Variants in AK5 observed in about 807,000 individuals in gnomAD.
AK5 encodes adenylate kinase isoenzyme 5.
In AK5, 27 loss-of-function variants were observed where a neutral mutation model predicts 69.5. The ratio of observed to expected loss-of-function variants is 0.39; its 90% CI spans 0.29 to 0.54. AK5 has a LOEUF of 0.54. Among genes scored for constraint, AK5 ranks in the 20% least tolerant of loss-of-function variants. The pLI is 0.71. For missense variants in AK5, 531 were observed against 700.4 expected (o/e 0.76, Z 2.73); for synonymous variants, 260 against 244.4 (o/e 1.06, Z -0.60).
At chr1:77,319,794 A>G (rs1660427820) in intron 5 of AK5, among the ~76,000 whole-genome samples, 1 of 152,242 alleles carries the variant, frequency 6.6e-6, no homozygotes, top group Non-Finnish European at 1.5e-5. Context: ...AGTCCAAGAT[A>G]CTATTCTCAG....
At chr1:77,435,157 C>G (rs1651879933) in intron 8 of AK5, among the ~76,000 whole-genome samples, 1 of 152,128 alleles carries the variant, frequency 6.6e-6, no homozygotes, top group Admixed American at 6.5e-5. Flanking sequence ...AAAGATGTAT[C>G]CTCTCAAGGA....
intron 8 of AK5, among the ~76,000 whole-genome samples, chr1:77,425,309 G>A (rs992054457): frequency 6.6e-6 from 1 of 152,188 alleles, no homozygotes; most frequent in African/African-American, 2.4e-5. Flanking sequence ...CATAGAGCCA[G>A]GCATGGTGGC....
At chr1:77,499,798 C>T (rs1482447986) in intron 10 of AK5, among the ~76,000 whole-genome samples, 1 of 149,846 alleles carries the variant, frequency 6.7e-6, no homozygotes, top group Admixed American at 6.7e-5. Flanking sequence ...GCTAGAAGGC[C>T]AGTGATAGCC....
chr1:77,347,702 C>T (rs1378888422), intron 6 of AK5, among the ~76,000 whole-genome samples: 2 of 152,102 alleles, frequency 1.3e-5, no homozygotes, highest in Admixed American at 6.6e-5. Flanking sequence ...AATGGCAACC[C>T]GCATATAGCA....
At chr1:77,428,573 A>C (rs1651369158) in intron 8 of AK5, among the ~76,000 whole-genome samples, 1 of 150,566 alleles carries the variant, frequency 6.6e-6, no homozygotes, top group Non-Finnish European at 1.5e-5. Flanking sequence ...GCTTGTCTTC[A>C]GGTTTATGCT....
At chr1:77,338,001 G>A (rs551940483) in intron 5 of AK5, among the ~76,000 whole-genome samples, 160 of 135,476 alleles carry the variant, frequency 1.2e-3, no homozygotes, top group Non-Finnish European at 2.1e-3. Context: ...TCTTGCTCTT[G>A]TCACCCAGGC....
At chr1:77,372,772 C>CATGTGT (rs113360454) in intron 6 of AK5, among the ~76,000 whole-genome samples, 2 of 149,518 alleles carry the variant, frequency 1.3e-5, no homozygotes, top group Non-Finnish European at 3.0e-5. Flanking sequence ...TGTGTGTGTG[C>CATGTGT]GTGTGTGTGT....
intron 1 of AK5, 58 bp from the exon 2 acceptor site, chr1:77,286,882 GA>G: frequency 9.0e-7 from 1 of 1,107,832 alleles, no homozygotes; most frequent in Non-Finnish European, 1.2e-6. Flanking sequence ...TTAAATTAAA[GA>G]AAAAACAAAG....
intron 7 of AK5, among the ~76,000 whole-genome samples, chr1:77,412,221 G>T (rs1650091205): frequency 6.6e-6 from 1 of 152,088 alleles, no homozygotes. Flanking sequence ...TCTCCACTAG[G>T]GAGCCTTGTG....
At chr1:77,520,374 C>T (rs1479632510) in intron 11 of AK5, among the ~76,000 whole-genome samples, 2 of 152,160 alleles carry the variant, frequency 1.3e-5, no homozygotes, top group Non-Finnish European at 2.9e-5. Context: ...TTATTCCCTT[C>T]CTCAAAACCT....
In AK5 at chr1:77,558,599, T is replaced by C. The variant is rs6675743; in HGVS notation, c.1621-3T>C. 0.77 allele frequency: 1,196,165 copies of C among 1,554,816 alleles called. 464,079 individuals are homozygous for C. The highest frequency in any genetic ancestry group is 0.83 in the Admixed American group (49,104 of 59,452). ...AACTCTCTTTTTTTCCTTTTAAATA[T>C]AGATAAATGCAGAGGGAACACCAGA... On this transcript the variant is annotated splice_polypyrimidine_tract_variant and splice_region_variant and intron_variant, in intron 13 of 13. Transcript: ENST00000354567.
intron 10 of AK5, among the ~76,000 whole-genome samples, chr1:77,511,203 G>C (rs961937188): frequency 8.5e-5 from 13 of 152,232 alleles, no homozygotes; most frequent in African/African-American, 2.2e-4. Context: ...TCATTTTACA[G>C]ATAATAATTC....
chr1:77,550,722 C>A (rs1037937956), intron 13 of AK5, among the ~76,000 whole-genome samples: 14 of 152,218 alleles, frequency 9.2e-5, no homozygotes, highest in Admixed American at 8.5e-4. Context: ...GCCACTTATT[C>A]TCTTAAAATA....
At chr1:77,408,041 A>T (rs1649777089) in intron 6 of AK5, among the ~76,000 whole-genome samples, 1 of 151,958 alleles carries the variant, frequency 6.6e-6, no homozygotes, top group African/African-American at 2.4e-5. Context: ...ATTGTTGGGG[A>T]CCCAGGTTAA....
chr1:77,509,471 C>T (rs1418467317), intron 10 of AK5, among the ~76,000 whole-genome samples: 1 of 152,136 alleles, frequency 6.6e-6, no homozygotes, highest in African/African-American at 2.4e-5. Context: ...TCAACTGACC[C>T]ATGGGCCCAG....
At chr1:77,394,839 C>T (rs1329108006) in intron 6 of AK5, among the ~76,000 whole-genome samples, 2 of 152,094 alleles carry the variant, frequency 1.3e-5, no homozygotes, top group Non-Finnish European at 2.9e-5. Context: ...TTGGTTGAGT[C>T]ATAATCAACT....
chr1:77,361,382 T>C (rs1415633743), intron 6 of AK5, among the ~76,000 whole-genome samples: 1 of 152,208 alleles, frequency 6.6e-6, no homozygotes, highest in African/African-American at 2.4e-5. Flanking sequence ...CTGTATTTAG[T>C]TTCTCCATCT....
In AK5 at chr1:77,286,859, TAA is replaced by T. The variant is rs1658382871; in HGVS notation, c.61-81_61-80del. ...GAGACTCTATTTCAAAAAAATTAAT[TAA>T]TTAAATTAAATTAAATTAAAGAAAA... On this transcript the variant is annotated intron_variant, in intron 1 of 13. Transcript: ENST00000354567. 4 of 889,740 alleles carry T rather than the reference TAA, an allele frequency of 4.5e-6. No homozygotes were observed. The Admixed American group carries it at 1.7e-4, about 37-fold the overall frequency. 55.1% of individuals were successfully genotyped at this position (889,740 alleles called of 1,614,324 possible).
chr1:77,512,063 A>G (rs1443220761), intron 10 of AK5, among the ~76,000 whole-genome samples: 1 of 152,232 alleles, frequency 6.6e-6, no homozygotes, highest in African/African-American at 2.4e-5. Flanking sequence ...GGAGGCTTAA[A>G]TACCTCTCAG....
Sources: gnomAD v4.1 joint callset for allele counts (sites outside exome capture counted in the v4.1 genomes callset) on GRCh38, gnomAD v4.1.1 for gene constraint, MANE v1.5 for transcripts, NCBI Gene and HGNC (gene_info 2026-07-23, HGNC 2026-07-21) for gene names.